The following GOT1 variants were observed in gnomAD, a reference collection of about 807,000 sequenced individuals.
The protein encoded by GOT1 is aspartate aminotransferase, cytoplasmic.
A neutral mutation model predicts 48.2 loss-of-function variants in GOT1; 25 were observed. The ratio of observed to expected loss-of-function variants is 0.52; its 90% CI spans 0.38 to 0.72. The LOEUF (loss-of-function observed/expected upper bound fraction) is 0.72. Ranked by LOEUF, GOT1 falls within the 30% of genes least tolerant of loss-of-function variation. The pLI, the probability that GOT1 is intolerant of heterozygous loss-of-function variation, is 0.00. For synonymous variants in GOT1, 188 were observed against 193.8 expected, an observed-to-expected ratio of 0.97 and a Z score of 0.25; for missense variants, 380 against 520.1, an observed-to-expected ratio of 0.73 and a Z score of 2.62.
At chr10:99,422,793 C>T (rs748652390) in intron 1 of GOT1, among the ~76,000 whole-genome samples, 3 of 152,162 alleles carry the variant, frequency 2.0e-5, no homozygotes, top group Non-Finnish European at 4.4e-5. Flanking sequence ...TTGCTTTTTC[C>T]ACTTGAAAAT....
In GOT1 at chr10:99,397,630, G is replaced by C. The variant is rs1453713661; in HGVS notation, c.1159C>G (p.Arg387Gly). The C allele has an allele frequency of 6.2e-7, 1 of 1,613,748 alleles. No homozygotes were observed. Among genetic ancestry groups the C allele is most frequent in the Non-Finnish European group, 8.5e-7 (1 of 1,179,742 alleles). ...EKHIYLLPSG[R>G]INVSGLTTKN... ...GTGGTTAAGCCACTCACGTTGATTC[G>C]ACCACTTGGCAGCAGGTAGATGTGC... Residue 387 changes from arginine to glycine, a missense_variant, in exon 9 of 9, where the codon CGA becomes GGA. Physicochemically the swap from Arg to Gly is moderately radical, Grantham distance 125 (BLOSUM62 -2). Coordinates refer to ENST00000370508, the MANE Select transcript of GOT1 (RefSeq NM_002079.3). The surrounding 1 kb of genome is among the most constrained non-coding windows in gnomAD (Gnocchi z 5.4).
rs547290491 is a variant in GOT1, at chr10:99,407,205, G to A, written c.301-356C>T. On this transcript the variant is annotated intron_variant, in intron 2 of 8. Coordinates refer to ENST00000370508, the MANE Select transcript of GOT1 (RefSeq NM_002079.3). ...TTAGTGTGTGTGTGTGTGTGTGTGT[G>A]CATGCACGCACATGCCTTGGAAGGC... 4.2e-5 allele frequency among the ~76,000 whole-genome samples: 6 copies of A among 142,960 alleles called. No individual in the cohort carries two copies. In the Admixed American group the frequency reaches 4.3e-4, roughly 10 times the overall value. The allele number at this position is 142,960 out of a possible 152,430, so 93.8% of individuals were successfully genotyped here.
intron 3 of GOT1, 111 bp downstream of exon 3, chr10:99,406,615 A>G: frequency 1.9e-6 from 2 of 1,075,496 alleles, no homozygotes; most frequent in Admixed American, 4.0e-5. Context: ...AGCCATTCCC[A>G]ACAGTCAGTT....
At chr10:99,413,765 AAG>A (rs1166475195) in intron 2 of GOT1, among the ~76,000 whole-genome samples, 6 of 152,226 alleles carry the variant, frequency 3.9e-5, no homozygotes, top group Non-Finnish European at 8.8e-5. Context: ...TACAAGCCAG[AAG>A]AGAGTGGGGG....
rs775622378 is a variant in GOT1, at chr10:99,406,255, T to A, written c.425-6A>T. The A allele has an allele frequency of 2.5e-6, 4 of 1,598,838 alleles. No homozygotes were observed. The highest frequency in any genetic ancestry group is 3.4e-6 in the Non-Finnish European group (4 of 1,166,016). On this transcript the variant is annotated splice_polypyrimidine_tract_variant and splice_region_variant and intron_variant, in intron 3 of 8. Transcript: ENST00000370508. The stretch of plus-strand genomic sequence containing the variant: ...AAACACAGCATTGTGATTCTCTGCA[T>A]GCAAAGAAGTAAAAAGTTAAGCACT...
At chr10:99,417,852 T>C (rs1239498267) in intron 2 of GOT1, among the ~76,000 whole-genome samples, 3 of 152,014 alleles carry the variant, frequency 2.0e-5, no homozygotes, top group Non-Finnish European at 2.9e-5. Flanking sequence ...AATTGAACAA[T>C]GAGAACACTT....
In GOT1 at chr10:99,402,555, G is replaced by A. The variant is rs202103051; in HGVS notation, c.1102+25C>T. The A allele has an allele frequency of 4.5e-4, 728 of 1,613,126 alleles. 1 individual carries two copies. Among genetic ancestry groups the A allele is most frequent in the Middle Eastern group, 3.2e-3 (19 of 5,956 alleles). On this transcript the variant is annotated intron_variant, in intron 8 of 8. Coordinates refer to ENST00000370508, the MANE Select transcript of GOT1 (RefSeq NM_002079.3). ...GTTGTGTGTCTACATGCACGCATGG[G>A]CTGGAGGTGGTGGGGGCCACTTACG...
In GOT1 at chr10:99,406,835, T is replaced by C. The variant is rs751079650; in HGVS notation, c.315A>G (p.Gln105=). The change falls in exon 3 of 9, where the codon CAA becomes CAG. Residue 105 remains glutamine, a synonymous_variant. Transcript: ENST00000370508. The stretch of plus-strand genomic sequence containing the variant: ...GAAGTGCACCTGTTCCCCCCAAAGA[T>C]TGCACACCTCCTACCTGAAAGAGAA... The part of the protein sequence containing the change: ...ALKEKRVGGV[Q]SLGGTGALRI... 28 of 1,613,834 alleles carry C rather than the reference T, an allele frequency of 1.7e-5. No homozygotes were observed. The highest frequency in any genetic ancestry group is 3.3e-5 in the South Asian group (3 of 91,064).
chr10:99,399,238 A>G (rs543410606), intron 8 of GOT1, among the ~76,000 whole-genome samples: 2,193 of 152,204 alleles, frequency 0.014, 24 homozygotes, highest in Non-Finnish European at 0.024. Flanking sequence ...TGATGCCTTT[A>G]AAGGTCTAAA....
rs1252366413 is a variant in GOT1, at chr10:99,397,661, A to T, written c.1128T>A (p.Asn376Lys). 10 of 1,614,132 alleles carry T rather than the reference A, an allele frequency of 6.2e-6. No homozygotes were observed. The highest frequency in any genetic ancestry group is 8.5e-6 in the Non-Finnish European group (10 of 1,179,980). Residue 376 changes from asparagine (N) to lysine (K), a missense_variant, in exon 9 of 9, where the codon AAT (asparagine) becomes AAA (lysine). By Grantham distance (94) the Asn-to-Lys change is moderately conservative. Coordinates refer to ENST00000370508, the MANE Select transcript of GOT1 (RefSeq NM_002079.3). The surrounding 1 kb of genome is among the most constrained non-coding windows in gnomAD (Gnocchi z 5.4). ...TTGGCAGCAGGTAGATGTGCTTTTCATTGACCAGATACTCAACCTGCTTGG... is the reference window on the plus strand; with the variant it reads ...TTGGCAGCAGGTAGATGTGCTTTTCTTTGACCAGATACTCAACCTGCTTGG... Reference protein sequence around the residue: ...LNPKQVEYLVNEKHIYLLPSG... With the variant: ...LNPKQVEYLVKEKHIYLLPSG...
At chr10:99,408,812 G>C (rs1434967086) in intron 2 of GOT1, among the ~76,000 whole-genome samples, 1 of 152,180 alleles carries the variant, frequency 6.6e-6, no homozygotes, top group Non-Finnish European at 1.5e-5. Flanking sequence ...AGGAATAGTG[G>C]TTGAAAGGGA....
At chr10:99,415,968 A>G (rs1265344633) in intron 2 of GOT1, among the ~76,000 whole-genome samples, 1 of 152,172 alleles carries the variant, frequency 6.6e-6, no homozygotes, top group Non-Finnish European at 1.5e-5. Context: ...ATCTATGACA[A>G]ACCCACAGCC....
chr10:99,407,997 T>A (rs2032783466), intron 2 of GOT1, among the ~76,000 whole-genome samples: 1 of 152,198 alleles, frequency 6.6e-6, no homozygotes, highest in African/African-American at 2.4e-5. Flanking sequence ...GTGTGTGATG[T>A]TCCCCTCCCT....
At chr10:99,423,383 T>G (rs1179258776) in intron 1 of GOT1, among the ~76,000 whole-genome samples, 1 of 152,214 alleles carries the variant, frequency 6.6e-6, no homozygotes, top group East Asian at 1.9e-4. Context: ...AGTGTTTTCT[T>G]AGGAAAAATA....
intron 1 of GOT1, among the ~76,000 whole-genome samples, chr10:99,426,928 G>A (rs931785390): frequency 2.0e-5 from 3 of 152,122 alleles, no homozygotes; most frequent in Non-Finnish European, 4.4e-5. Context: ...CTTCCCTAAG[G>A]TCAATGATTA....
At chr10:99,416,303 CAAAT>C (rs1224384770) in intron 2 of GOT1, among the ~76,000 whole-genome samples, 3 of 151,070 alleles carry the variant, frequency 2.0e-5, no homozygotes, top group East Asian at 3.9e-4. Flanking sequence ...CAATAACAGA[CAAAT>C]AGAGAGCCAA....
intron 8 of GOT1, among the ~76,000 whole-genome samples, chr10:99,398,486 A>T (rs563952399): frequency 6.6e-6 from 1 of 152,286 alleles, no homozygotes; most frequent in Admixed American, 6.5e-5. Flanking sequence ...CCTGGCCAAC[A>T]TGCTGAGACC....
chr10:99,413,464 T>C (rs1174829565), intron 2 of GOT1, among the ~76,000 whole-genome samples: 2 of 152,168 alleles, frequency 1.3e-5, no homozygotes, highest in African/African-American at 2.4e-5. Flanking sequence ...CTACATCTGA[T>C]TGGTGTACCT....
At chr10:99,406,594 C>A in intron 3 of GOT1, 132 bp downstream of exon 3, 1 of 823,756 alleles carries the variant, frequency 1.2e-6, no homozygotes, top group South Asian at 1.6e-5. Flanking sequence ...ACTGCCATAA[C>A]CCACTGTTCA....
Sources: allele counts gnomAD v4.1 joint callset (sites outside exome capture counted in the v4.1 genomes callset), GRCh38; gene constraint gnomAD v4.1.1; non-coding constraint Gnocchi (gnomAD v3.1); transcripts MANE v1.5; gene names NCBI Gene and HGNC (gene_info 2026-07-23, HGNC 2026-07-21).